RNF26: variants seen among roughly 807,000 people sequenced by gnomAD.
RNF26 encodes the protein ring finger protein 26, also known as E3 ubiquitin-protein ligase RNF26.
RNF26 carries 8 observed loss-of-function variants against 25.4 expected under a neutral mutation model. The ratio of observed to expected loss-of-function variants is 0.31; its 90% CI spans 0.18 to 0.57. The LOEUF (loss-of-function observed/expected upper bound fraction) is 0.57, where lower values mean the gene tolerates loss of function less well. Ranked by LOEUF, RNF26 falls within the 20% of genes least tolerant of loss-of-function variation. The probability of loss-of-function intolerance (pLI) is 0.90; values close to 1 mark genes in which losing one functional copy is unlikely to be tolerated. For synonymous variants in RNF26, 262 were observed against 246.7 expected, an observed-to-expected ratio of 1.06 and a Z score of -0.58; for missense variants, 470 against 552.0, an observed-to-expected ratio of 0.85 and a Z score of 1.49.
rs1950439045 is a variant in RNF26, at chr11:119,336,029, CGGGG to C, written c.908_911del (p.Arg303GlnfsTer12). 1 of 1,613,532 alleles carries C rather than the reference CGGGG, an allele frequency of 6.2e-7. No homozygotes were observed. ...TCTGCAGCTGGCGAGTTGGCCAAAC[CGGGG>C]AGGGGCACCTGGAGCTCCCCAGGGT... On this transcript the variant is annotated frameshift_variant, in exon 1 of 1. Coordinates refer to ENST00000311413, the MANE Select transcript of RNF26 (RefSeq NM_032015.5). LOFTEE classifies it high-confidence loss of function.
At position 119,336,444 on chromosome 11, in the gene RNF26, C is replaced by G. The variant is rs751751637; in HGVS notation, c.*20C>G. On this transcript the variant is annotated 3_prime_UTR_variant, in exon 1 of 1. Coordinates refer to ENST00000311413, the MANE Select transcript of RNF26 (RefSeq NM_032015.5). Reference sequence around the variant, plus strand: ...CTCTGAAGCCTCCTTCCCTGCCTGCCCACCCCTCCATGCTCCACGCAGGCA... The same window carrying G: ...CTCTGAAGCCTCCTTCCCTGCCTGCGCACCCCTCCATGCTCCACGCAGGCA... 2 of 1,594,866 alleles carry G rather than the reference C, an allele frequency of 1.3e-6. No homozygotes were observed. Among genetic ancestry groups the G allele is most frequent in the Admixed American group, 3.4e-5 (2 of 59,520 alleles).
Position 119,336,190 on chromosome 11 carries a change from C to T in RNF26, c.1068C>T (p.Leu356=), listed in dbSNP as rs1591297150. 4 of 1,614,088 alleles carry T rather than the reference C, an allele frequency of 2.5e-6. No individual in the cohort carries two copies. The highest frequency in any genetic ancestry group is 1.1e-5 in the South Asian group (1 of 91,084). The change falls in exon 1 of 1, where the codon CTC becomes CTT. Residue 356 remains leucine, a synonymous_variant. Transcript: ENST00000311413. ...RVTPVRGRER[L]NEEEPPGGQD... ...CACCTGTCAGGGGCCGAGAGAGGCTCAATGAGGAGGAGCCTCCAGGTGGGC... is the reference window on the plus strand; with the variant it reads ...CACCTGTCAGGGGCCGAGAGAGGCTTAATGAGGAGGAGCCTCCAGGTGGGC...
In RNF26 at chr11:119,336,391, G is replaced by A. The variant is rs764652473; in HGVS notation, c.1269G>A (p.Arg423=). 1.2e-6 allele frequency: 2 copies of A among 1,611,190 alleles called. No homozygotes were observed. The highest frequency in any genetic ancestry group is 3.3e-4 in the Middle Eastern group (2 of 6,060). ...ACCGCAATTGCCCGCTCTGCCGCCGGGGCATCCTGCAGACCCTCAATGTCT... is the reference window on the plus strand; with the variant it reads ...ACCGCAATTGCCCGCTCTGCCGCCGAGGCATCCTGCAGACCCTCAATGTCT... The part of the protein sequence containing the change: ...VYHRNCPLCR[R]GILQTLNVYL The change falls in exon 1 of 1, where the codon CGG becomes CGA. Residue 423 remains arginine, a synonymous_variant. Transcript: ENST00000311413.
chr11:119,335,372 T>G lies in RNF26; in HGVS notation c.250T>G (p.Cys84Gly), dbSNP rs1298958390. 6.2e-7 allele frequency: 1 copy of G among 1,614,068 alleles called. No individual in the cohort carries two copies. The highest frequency in any genetic ancestry group is 1.3e-5 in the African/African-American group (1 of 74,906). The change falls in exon 1 of 1, where the codon TGT becomes GGT. Residue 84 changes from cysteine (C) to glycine (G), a missense_variant. By Grantham distance (159) the Cys-to-Gly change is radical. Transcript: ENST00000311413. ...CACATGTGGGGGCTTGCAGGCCTTG[T>G]GTACTCTGCTGTATAGCTGCTGCTC... Reference protein sequence around the residue: ...RFTCGGLQALCTLLYSCCSGL... With the variant: ...RFTCGGLQALGTLLYSCCSGL...
At position 119,334,647 on chromosome 11, in the gene RNF26, G is replaced by T. The variant is rs774702961; in HGVS notation, c.-476G>T. ...CTAGCGGGAAGACGGGGGCCGGGCG[G>T]GGACAGGGGCACCTGCGTAGCTGGA... On this transcript the variant is annotated 5_prime_UTR_variant, in exon 1 of 1. Transcript: ENST00000311413. The T allele has an allele frequency of 6.0e-6, 1 of 167,548 alleles. No individual in the cohort carries two copies. The highest frequency in any genetic ancestry group is 1.3e-5 in the Non-Finnish European group (1 of 75,484). 10.4% of individuals were successfully genotyped at this position (167,548 alleles called of 1,614,324 possible).
In RNF26 at chr11:119,335,670, T is replaced by A. The variant is rs1950436277; in HGVS notation, c.548T>A (p.Val183Glu). Residue 183 changes from valine to glutamate, a missense_variant, in exon 1 of 1, where the codon GTA (valine) becomes GAA (glutamate). Transcript: ENST00000311413. ...GGGCCTCTGTGGAGGATGACGGACG[T>A]AGTGGCTGCCTTCCTAGCCCACATT... is the stretch of plus-strand genomic sequence containing the variant. The part of the protein sequence containing the change: ...VTGPLWRMTD[V>E]VAAFLAHISS... 3.7e-6 allele frequency: 6 copies of A among 1,614,090 alleles called. No individual in the cohort carries two copies. Among genetic ancestry groups the A allele is most frequent in the Non-Finnish European group, 5.1e-6 (6 of 1,179,960 alleles).
rs934032030 is a variant in RNF26, at chr11:119,335,354, G to C, written c.232G>C (p.Gly78Arg). ...LIEAVVRFTCGGLQALCTLLY... is the reference protein window; with the variant it reads ...LIEAVVRFTCRGLQALCTLLY... Reference sequence around the variant, plus strand: ...CGAAGCCGTGGTCCGGTTCACATGTGGGGGCTTGCAGGCCTTGTGTACTCT... The same window carrying C: ...CGAAGCCGTGGTCCGGTTCACATGTCGGGGCTTGCAGGCCTTGTGTACTCT... Residue 78 changes from glycine to arginine, a missense_variant, in exon 1 of 1, where the codon GGG (glycine) becomes CGG (arginine). Gly to Arg is a moderately radical substitution (Grantham distance 125). Coordinates refer to ENST00000311413, the MANE Select transcript of RNF26 (RefSeq NM_032015.5). 9 of 1,614,086 alleles carry C rather than the reference G, an allele frequency of 5.6e-6. No individual in the cohort carries two copies. In the Admixed American group the frequency reaches 8.3e-5, roughly 15 times the overall value.
Position 119,335,065 on chromosome 11 carries a change from G to A in RNF26, c.-58G>A. 2.1e-6 allele frequency: 3 copies of A among 1,411,394 alleles called. No homozygotes were observed. In the South Asian group the frequency reaches 3.8e-5, roughly 18 times the overall value. The allele number at this position is 1,411,394 out of a possible 1,614,324, so 87.4% of individuals were successfully genotyped here. ...GACCCCCTAAAATATTGACAACCTT[G>A]ACAACCCCCCAACCGAGGAGCCAGA... On this transcript the variant is annotated 5_prime_UTR_variant, in exon 1 of 1. Transcript: ENST00000311413.
Position 119,334,982 on chromosome 11 carries a change from C to T in RNF26, c.-141C>T, listed in dbSNP as rs1591296294. The stretch of plus-strand genomic sequence containing the variant: ...ACTTCCGTCTTACCCACTTCTTCCT[C>T]AGATTCTTGGTACCCCCTGGGTTGG... On this transcript the variant is annotated 5_prime_UTR_variant, in exon 1 of 1. Coordinates refer to ENST00000311413, the MANE Select transcript of RNF26 (RefSeq NM_032015.5). 5 of 651,022 alleles carry T rather than the reference C, an allele frequency of 7.7e-6. No individual in the cohort carries two copies. In the East Asian group the frequency reaches 1.4e-4, roughly 18 times the overall value. The allele number at this position is 651,022 out of a possible 1,614,324, so 40.3% of individuals were successfully genotyped here.
Position 119,337,038 on chromosome 11 carries a change from G to A in RNF26, c.*614G>A, listed in dbSNP as rs941392513. 3.0e-5 allele frequency: 5 copies of A among 169,404 alleles called. No homozygotes were observed. The highest frequency in any genetic ancestry group is 9.6e-5 in the African/African-American group (4 of 41,524). 10.5% of individuals were successfully genotyped at this position (169,404 alleles called of 1,614,324 possible). On this transcript the variant is annotated 3_prime_UTR_variant, in exon 1 of 1. Transcript: ENST00000311413. The stretch of plus-strand genomic sequence containing the variant: ...GGAGTTTACCCCTGGGATGGGGGAT[G>A]CATCTGCACCTGACTTTGGGGCCAC...
At position 119,337,219 on chromosome 11, in the gene RNF26, C is replaced by G. The variant is rs1950446856; in HGVS notation, c.*795C>G. 1 of 169,162 alleles carries G rather than the reference C, an allele frequency of 5.9e-6. No homozygotes were observed. The highest frequency in any genetic ancestry group is 2.4e-5 in the African/African-American group (1 of 41,478). The allele number at this position is 169,162 out of a possible 1,614,324, so 10.5% of individuals were successfully genotyped here. On this transcript the variant is annotated 3_prime_UTR_variant, in exon 1 of 1. Transcript: ENST00000311413. ...AGACTGTGCACATTTCACTAGGGTC[C>G]AAATACAGAAGGGCCCAGGGCCCAG...
rs1332550079 is a variant in RNF26 at position 119,335,743 on chromosome 11, A to G, written c.621A>G (p.Gln207=). The G allele has an allele frequency of 6.2e-7, 1 of 1,614,172 alleles. No homozygotes were observed. ...AMAILLWTPC[Q]LALELLASAA... The stretch of plus-strand genomic sequence containing the variant: ...CCATCCTCCTTTGGACACCCTGCCA[A>G]CTAGCCCTGGAGCTGCTGGCCTCAG... The change falls in exon 1 of 1, where the codon CAA becomes CAG. Residue 207 remains glutamine, a synonymous_variant. Coordinates refer to ENST00000311413, the MANE Select transcript of RNF26 (RefSeq NM_032015.5).
Position 119,335,044 on chromosome 11 carries a change from C to T in RNF26, c.-79C>T. The T allele has an allele frequency of 1.8e-6, 2 of 1,118,580 alleles. No individual in the cohort carries two copies. The highest frequency in any genetic ancestry group is 1.3e-6 in the Non-Finnish European group (1 of 760,110). 69.3% of individuals were successfully genotyped at this position (1,118,580 alleles called of 1,614,324 possible). On this transcript the variant is annotated 5_prime_UTR_variant, in exon 1 of 1. Coordinates refer to ENST00000311413, the MANE Select transcript of RNF26 (RefSeq NM_032015.5). ...TTTCCTTCCAAATTAATCCCAGACC[C>T]CCTAAAATATTGACAACCTTGACAA...
chr11:119,335,184 T>C lies in RNF26; in HGVS notation c.62T>C (p.Val21Ala). Residue 21 changes from valine (V) to alanine (A), a missense_variant, in exon 1 of 1, where the codon GTG (valine) becomes GCG (alanine). Transcript: ENST00000311413. ...LGLVLDVLTLVLDLNFLLVSS... is the reference protein window; with the variant it reads ...LGLVLDVLTLALDLNFLLVSS... ...CTGGTGCTGGACGTGCTGACCTTGGTGTTGGACCTCAACTTCCTGCTGGTG... is the reference window on the plus strand; with the variant it reads ...CTGGTGCTGGACGTGCTGACCTTGGCGTTGGACCTCAACTTCCTGCTGGTG... The C allele has an allele frequency of 6.2e-7, 1 of 1,614,184 alleles. No homozygotes were observed. Among genetic ancestry groups the C allele is most frequent in the Non-Finnish European group, 8.5e-7 (1 of 1,180,020 alleles).
At position 119,335,505 on chromosome 11, in the gene RNF26, C is replaced by A. The variant is rs1204024840; in HGVS notation, c.383C>A (p.Ala128Asp). 2 of 1,613,580 alleles carry A rather than the reference C, an allele frequency of 1.2e-6. No homozygotes were observed. Among genetic ancestry groups the A allele is most frequent in the Non-Finnish European group, 1.7e-6 (2 of 1,179,786 alleles). ...CTCAATGTGGTCTCCAGTGGCCATG[C>A]TTTGCTGCGCCAGGCCTGTGACATC... The part of the protein sequence containing the change: ...GVLNVVSSGH[A>D]LLRQACDICA... Residue 128 changes from alanine (A) to aspartate (D), a missense_variant, in exon 1 of 1, where the codon GCT becomes GAT. Physicochemically the swap from Ala to Asp is moderately radical, Grantham distance 126. Coordinates refer to ENST00000311413, the MANE Select transcript of RNF26 (RefSeq NM_032015.5).
Position 119,334,846 on chromosome 11 carries a change from G to A in RNF26, c.-277G>A. On this transcript the variant is annotated 5_prime_UTR_variant, in exon 1 of 1. Transcript: ENST00000311413. Reference sequence around the variant, plus strand: ...AAAGCTGAGGTCGCTCCTACGGCCTGGGCTCGCCTTCGCTTTAGAGATGTT... The same window carrying A: ...AAAGCTGAGGTCGCTCCTACGGCCTAGGCTCGCCTTCGCTTTAGAGATGTT... 2.0e-6 allele frequency: 1 copy of A among 506,474 alleles called. No individual in the cohort carries two copies. Among genetic ancestry groups the A allele is most frequent in the African/African-American group, 1.9e-5 (1 of 52,232 alleles). 31.4% of individuals were successfully genotyped at this position (506,474 alleles called of 1,614,324 possible).
Position 119,334,621 on chromosome 11 carries a change from G to C in RNF26, c.-502G>C, listed in dbSNP as rs1950429034. 6.0e-6 allele frequency: 1 copy of C among 166,082 alleles called. No homozygotes were observed. The highest frequency in any genetic ancestry group is 1.3e-5 in the Non-Finnish European group (1 of 74,562). The allele number at this position is 166,082 out of a possible 1,614,324, so 10.3% of individuals were successfully genotyped here. A position where few individuals can be genotyped will look rare whatever the true frequency, so the allele number is the denominator to read the frequency against. Reference sequence around the variant, plus strand: ...ACTCCCCTTTTGGGTGCAAAGCGCCGCTAGCGGGAAGACGGGGGCCGGGCG... The same window carrying C: ...ACTCCCCTTTTGGGTGCAAAGCGCCCCTAGCGGGAAGACGGGGGCCGGGCG... On this transcript the variant is annotated 5_prime_UTR_variant, in exon 1 of 1. Coordinates refer to ENST00000311413, the MANE Select transcript of RNF26 (RefSeq NM_032015.5).
At position 119,335,246 on chromosome 11, in the gene RNF26, T is replaced by G. The variant is rs1195567601; in HGVS notation, c.124T>G (p.Phe42Val). The change falls in exon 1 of 1, where the codon TTC (phenylalanine) becomes GTC (valine). Residue 42 changes from phenylalanine (F) to valine (V), a missense_variant. Physicochemically the swap from Phe to Val is conservative, Grantham distance 50. Coordinates refer to ENST00000311413, the MANE Select transcript of RNF26 (RefSeq NM_032015.5). ...LLASLAWLLA[F>V]VYNLPHTVLT... The stretch of plus-strand genomic sequence containing the variant: ...GGCTTCCCTGGCCTGGCTCCTGGCC[T>G]TCGTCTACAACCTGCCGCACACGGT... 2 of 1,614,114 alleles carry G rather than the reference T, an allele frequency of 1.2e-6. No individual in the cohort carries two copies. The highest frequency in any genetic ancestry group is 3.3e-5 in the Admixed American group (2 of 60,014).
chr11:119,335,466 T>C lies in RNF26; in HGVS notation c.344T>C (p.Leu115Pro), dbSNP rs1424314001. 6 of 1,613,470 alleles carry C rather than the reference T, an allele frequency of 3.7e-6. No homozygotes were observed. Among genetic ancestry groups the C allele is most frequent in the Non-Finnish European group, 5.1e-6 (6 of 1,179,584 alleles). ...GGGGCACTGCGGAGCAGGGAGATAC[T>C]GCACCGGGGCGTCCTCAATGTGGTC... ...SHGALRSREI[L>P]HRGVLNVVSS... Residue 115 changes from leucine (L) to proline (P), a missense_variant, in exon 1 of 1, where the codon CTG (leucine) becomes CCG (proline). Coordinates refer to ENST00000311413, the MANE Select transcript of RNF26 (RefSeq NM_032015.5).
Sources: allele counts gnomAD v4.1 joint callset, GRCh38; gene constraint gnomAD v4.1.1; transcripts MANE v1.5; gene names NCBI Gene and HGNC (gene_info 2026-07-23, HGNC 2026-07-21).